The following OR14A2 variants were observed in gnomAD, a reference collection of about 807,000 sequenced individuals.
OR14A2 encodes the protein olfactory receptor family 14 subfamily A member 2.
For missense variants in OR14A2, 237 were observed against 152.9 expected, an observed-to-expected ratio of 1.55 and a Z score of -2.90; for synonymous variants, 114 against 58.6, an observed-to-expected ratio of 1.95 and a Z score of -4.32.
At chr1:247,730,205 G>C in the OR14A2 span, among the ~76,000 whole-genome samples, 2 of 152,132 alleles carry the variant, frequency 1.3e-5, no homozygotes, top group Admixed American at 1.3e-4. Flanking sequence ...CCCTCACGTA[G>C]TTTACTTCTT....
At chr1:247,747,560 C>T in the OR14A2 span, among the ~76,000 whole-genome samples, 7 of 151,842 alleles carry the variant, frequency 4.6e-5, no homozygotes, top group African/African-American at 1.7e-4. Flanking sequence ...GAGGGGGTTT[C>T]GCCGTGTTAG....
At chr1:247,729,568 G>A in the OR14A2 span, among the ~76,000 whole-genome samples, 3 of 151,910 alleles carry the variant, frequency 2.0e-5, no homozygotes. Context: ...ACTTAAAATG[G>A]TTTCTTTCTG....
the OR14A2 span, among the ~76,000 whole-genome samples, chr1:247,735,172 G>A: frequency 1.1e-4 from 17 of 152,156 alleles, no homozygotes; most frequent in Admixed American, 7.2e-4. Flanking sequence ...CTGAAGGGAC[G>A]TCATCTTCCC....
At chr1:247,727,014 G>A (rs80157902), upstream of OR14A2, among the ~76,000 whole-genome samples, 11 of 150,348 alleles carry the variant, frequency 7.3e-5, no homozygotes, top group East Asian at 3.9e-4. Context: ...TTGGCGATGC[G>A]GGCTCTTTTT....
the OR14A2 span, among the ~76,000 whole-genome samples, chr1:247,737,219 C>T: frequency 2.0e-5 from 3 of 152,110 alleles, no homozygotes; most frequent in Non-Finnish European, 2.9e-5. Flanking sequence ...TTTATTCTTG[C>T]TCATCCTCTC....
At chr1:247,739,592 T>C in the OR14A2 span, 1 of 737,086 alleles carries the variant, frequency 1.4e-6, no homozygotes, top group South Asian at 1.5e-5. Flanking sequence ...ACTTTTTTTG[T>C]TGTTGTTGTT....
the OR14A2 span, among the ~76,000 whole-genome samples, chr1:247,730,047 AT>A: frequency 6.6e-6 from 1 of 152,108 alleles, no homozygotes; most frequent in Non-Finnish European, 1.5e-5. Context: ...TTATTCAATA[AT>A]TACTATATGT....
At chr1:247,732,641 C>A in the OR14A2 span, among the ~76,000 whole-genome samples, 1 of 152,142 alleles carries the variant, frequency 6.6e-6, no homozygotes, top group African/African-American at 2.4e-5. Context: ...CAAACAAATC[C>A]TGCATATAAG....
At chr1:247,728,821 C>G (rs898258836), upstream of OR14A2, among the ~76,000 whole-genome samples, 7 of 151,948 alleles carry the variant, frequency 4.6e-5, no homozygotes, top group Non-Finnish European at 1.0e-4. Context: ...GGAGATAATT[C>G]CATCACATCT....
At chr1:247,736,148 G>GCCTTTGTTAT in the OR14A2 span, among the ~76,000 whole-genome samples, 1 of 141,368 alleles carries the variant, frequency 7.1e-6, no homozygotes, top group African/African-American at 2.7e-5. Flanking sequence ...ACTCCATATA[G>GCCTTTGTTAT]GCCTCCCCTC....
chr1:247,737,858 T>A, the OR14A2 span, among the ~76,000 whole-genome samples: 1 of 152,174 alleles, frequency 6.6e-6, no homozygotes, highest in South Asian at 2.1e-4. Context: ...GCAGTAGATA[T>A]CCCTGTCTGT....
upstream of OR14A2, among the ~76,000 whole-genome samples, chr1:247,726,321 A>C (rs1353208711): frequency 7.6e-6 from 1 of 131,022 alleles, no homozygotes; most frequent in Non-Finnish European, 1.6e-5. Flanking sequence ...TTGGCTGCAT[A>C]AATGTCTTCT....
the OR14A2 span, among the ~76,000 whole-genome samples, chr1:247,741,719 G>A: frequency 6.6e-6 from 1 of 152,164 alleles, no homozygotes; most frequent in South Asian, 2.1e-4. Context: ...AAAGAAAGCT[G>A]TAAATTGTCT....
chr1:247,737,419 CTT>C, the OR14A2 span, among the ~76,000 whole-genome samples: 12,116 of 152,130 alleles, frequency 0.08, 598 homozygotes, highest in African/African-American at 0.14. Context: ...ATGTTGCAAA[CTT>C]TGGGTGTTCT....
chr1:247,739,573 T>C, the OR14A2 span: 4 of 759,756 alleles, frequency 5.3e-6, no homozygotes, highest in African/African-American at 3.4e-5. Context: ...AAGTTGAAGA[T>C]GGGAAGTAAC....
chr1:247,739,512 A>C, the OR14A2 span: 1 of 780,816 alleles, frequency 1.3e-6, no homozygotes, highest in Non-Finnish European at 2.4e-6. Context: ...ATCCGCTCTG[A>C]GTAAAGTCCT....
At chr1:247,727,306 G>A (rs1334352909), upstream of OR14A2, among the ~76,000 whole-genome samples, 4 of 148,094 alleles carry the variant, frequency 2.7e-5, no homozygotes, top group Non-Finnish European at 5.9e-5. Context: ...TTGTGAATGG[G>A]AGTTCACTCA....
the OR14A2 span, among the ~76,000 whole-genome samples, chr1:247,731,483 T>G: frequency 6.6e-6 from 1 of 152,220 alleles, no homozygotes; most frequent in Non-Finnish European, 1.5e-5. Flanking sequence ...CTGGTGTTTT[T>G]TAGCACCTTG....
At chr1:247,739,605 G>T in the OR14A2 span, 2 of 715,742 alleles carry the variant, frequency 2.8e-6, no homozygotes, top group Non-Finnish European at 5.1e-6. Flanking sequence ...TTGTTGTTCT[G>T]CCATCCACTA....
Sources: allele counts gnomAD v4.1 joint callset (sites outside exome capture counted in the v4.1 genomes callset), GRCh38; gene constraint gnomAD v4.1.1; transcripts MANE v1.5; gene names NCBI Gene and HGNC (gene_info 2026-07-23, HGNC 2026-07-21).